The following SNX7 variants were observed in gnomAD, a reference collection of about 807,000 sequenced individuals.
The protein encoded by SNX7 is sorting nexin-7.
Under a neutral mutation model 48.4 loss-of-function variants are expected in SNX7, and 35 were observed. The ratio of observed to expected loss-of-function variants is 0.72; its 90% confidence interval spans 0.55 to 0.96. The LOEUF (loss-of-function observed/expected upper bound fraction) is 0.96, where lower values mean the gene tolerates loss of function less well. Among genes scored for constraint, SNX7 ranks in the 40% least tolerant of loss-of-function variants. The pLI is 0.00. For synonymous variants in SNX7, 190 were observed against 190.2 expected (o/e 1.00, Z 0.01); for missense variants, 553 against 548.9 (o/e 1.01, Z -0.07).
At position 98,719,007 on chromosome 1, in the gene SNX7, G is replaced by A. The variant is rs570054507; in HGVS notation, c.1125+17104G>A. Among the ~76,000 whole-genome samples the A allele has an allele frequency of 9.7e-4, 148 of 152,142 alleles. 1 individual carries two copies. The highest frequency in any genetic ancestry group is 3.2e-3 in the African/African-American group (131 of 41,530). ...TGCTTTAATGAAGAATTTTGTACAC[G>A]TTATTTGTAAGTATACCAGTAGATC... On this transcript the variant is annotated intron_variant, in intron 7 of 8. Coordinates refer to ENST00000306121, the MANE Select transcript of SNX7 (RefSeq NM_015976.5).
At chr1:98,688,410 G>A (rs769639667) in intron 2 of SNX7, among the ~76,000 whole-genome samples, 2 of 152,122 alleles carry the variant, frequency 1.3e-5, no homozygotes, top group Non-Finnish European at 2.9e-5. Context: ...AAAGATGTAC[G>A]TTCTCTTAGT....
chr1:98,671,513 CT>C (rs994671239), intron 1 of SNX7, among the ~76,000 whole-genome samples: 8 of 152,128 alleles, frequency 5.3e-5, no homozygotes, highest in Non-Finnish European at 7.4e-5. Context: ...ATGACATGCT[CT>C]TTTTTTCTTT....
At chr1:98,745,336 G>C (rs1346802321) in intron 8 of SNX7, among the ~76,000 whole-genome samples, 1 of 151,992 alleles carries the variant, frequency 6.6e-6, no homozygotes, top group Non-Finnish European at 1.5e-5. Context: ...AAACAAAGAA[G>C]TTGACTAGAG....
Position 98,695,763 on chromosome 1 carries a change from A to G in SNX7, c.838+47A>G, listed in dbSNP as rs200361220. ...TGATTTCAAAGTTGTTCAGTTTCTG[A>G]TGAATCTTCACATTTGTTGGTGTAA... On this transcript the variant is annotated intron_variant, in intron 5 of 8. Coordinates refer to ENST00000306121, the MANE Select transcript of SNX7 (RefSeq NM_015976.5). The G allele has an allele frequency of 2.3e-5, 30 of 1,299,440 alleles. No individual in the cohort carries two copies. The East Asian group carries it at 5.1e-4, about 22-fold the overall frequency. The allele number at this position is 1,299,440 out of a possible 1,614,324, so 80.5% of individuals were successfully genotyped here.
At chr1:98,708,568 G>A (rs1652135509) in intron 7 of SNX7, among the ~76,000 whole-genome samples, 1 of 152,054 alleles carries the variant, frequency 6.6e-6, no homozygotes, top group African/African-American at 2.4e-5. Flanking sequence ...GTGCAGCAGG[G>A]TAGTGGGTTT....
At chr1:98,681,317 A>G (rs76434675) in intron 1 of SNX7, among the ~76,000 whole-genome samples, 8,413 of 152,254 alleles carry the variant, frequency 0.055, 726 homozygotes, top group African/African-American at 0.18. Flanking sequence ...ACAATTCAAG[A>G]TAAGATTTGG....
At chr1:98,684,276 C>G (rs1371750375) in intron 1 of SNX7, among the ~76,000 whole-genome samples, 1 of 152,058 alleles carries the variant, frequency 6.6e-6, no homozygotes, top group African/African-American at 2.4e-5. Context: ...CTTATTCTTG[C>G]CTGAGTCCAT....
intron 7 of SNX7, among the ~76,000 whole-genome samples, chr1:98,719,764 C>T (rs1401987899): frequency 6.6e-6 from 1 of 151,010 alleles, no homozygotes. Context: ...AAAAATGTCT[C>T]GTGGTTTCTT....
At chr1:98,757,902 A>G (rs1197576915) in intron 8 of SNX7, among the ~76,000 whole-genome samples, 6 of 152,182 alleles carry the variant, frequency 3.9e-5, no homozygotes, top group African/African-American at 1.4e-4. Context: ...CCTTTTGCTC[A>G]TCTTTTAGTC....
At chr1:98,750,172 G>A (rs1409546729) in intron 8 of SNX7, among the ~76,000 whole-genome samples, 1 of 151,760 alleles carries the variant, frequency 6.6e-6, no homozygotes, top group African/African-American at 2.4e-5. Context: ...TATTACCACA[G>A]AAATATATAA....
chr1:98,735,608 A>C (rs2101030683), intron 7 of SNX7, among the ~76,000 whole-genome samples: 1 of 152,248 alleles, frequency 6.6e-6, no homozygotes, highest in South Asian at 2.1e-4. Flanking sequence ...ACAGTGAATT[A>C]ATGTCATTTT....
At chr1:98,687,141 C>T (rs963066749) in intron 2 of SNX7, among the ~76,000 whole-genome samples, 2 of 152,144 alleles carry the variant, frequency 1.3e-5, no homozygotes, top group Non-Finnish European at 2.9e-5. Flanking sequence ...CTCATTTAGG[C>T]TCACAGTAAT....
At chr1:98,662,316 G>T in intron 1 of SNX7, 1 of 169,874 alleles carries the variant, frequency 5.9e-6, no homozygotes, top group Non-Finnish European at 1.3e-5. Flanking sequence ...CTGAACTCTG[G>T]GAGAGCAGCC....
chr1:98,663,912 T>G (rs907053723), intron 1 of SNX7, among the ~76,000 whole-genome samples: 8 of 152,130 alleles, frequency 5.3e-5, no homozygotes, highest in African/African-American at 1.7e-4. Context: ...TTAGTGAAAA[T>G]CCAACAAGAG....
At chr1:98,712,862 C>T (rs1282619381) in intron 7 of SNX7, among the ~76,000 whole-genome samples, 3 of 152,080 alleles carry the variant, frequency 2.0e-5, no homozygotes, top group South Asian at 2.1e-4. Flanking sequence ...GAGGCTGAGG[C>T]GGGCACATCA....
upstream of SNX7, among the ~76,000 whole-genome samples, chr1:98,661,495 T>C (rs1019670533): frequency 6.6e-6 from 1 of 152,086 alleles, no homozygotes; most frequent in African/African-American, 2.4e-5. Flanking sequence ...CAACCCTTTC[T>C]CCAACGTAGC....
chr1:98,705,097 T>C (rs565325958), intron 7 of SNX7, among the ~76,000 whole-genome samples: 22 of 152,330 alleles, frequency 1.4e-4, no homozygotes, highest in African/African-American at 5.0e-4. Context: ...ACAAAAGGTA[T>C]GTGTTTTTCT....
chr1:98,727,194 A>G (rs1349728127), intron 7 of SNX7, among the ~76,000 whole-genome samples: 1 of 145,572 alleles, frequency 6.9e-6, no homozygotes, highest in Non-Finnish European at 1.5e-5. Context: ...TAGGTGACAC[A>G]GCGAGACTCT....
Position 98,684,078 on chromosome 1 carries a change from G to A in SNX7, c.181-807G>A, listed in dbSNP as rs148406618. ...CAACCTTTATGTCCACAGGTTCTTGGTGCCTCCAATTCTTGAACCTTTCTG... is the reference window on the plus strand; with the variant it reads ...CAACCTTTATGTCCACAGGTTCTTGATGCCTCCAATTCTTGAACCTTTCTG... On this transcript the variant is annotated intron_variant, in intron 1 of 8. Transcript: ENST00000306121. Among the ~76,000 whole-genome samples, 3 of 152,174 alleles carry A rather than the reference G, an allele frequency of 2.0e-5. No homozygotes were observed. In the East Asian group the frequency reaches 5.8e-4, roughly 29 times the overall value.
Sources: allele counts gnomAD v4.1 joint callset (sites outside exome capture counted in the v4.1 genomes callset), GRCh38; gene constraint gnomAD v4.1.1; transcripts MANE v1.5; gene names NCBI Gene and HGNC (gene_info 2026-07-23, HGNC 2026-07-21).